Variants in KCNIP4 observed in about 807,000 individuals in gnomAD.
KCNIP4 encodes the protein potassium voltage-gated channel interacting protein 4, also known as Kv channel-interacting protein 4.
In KCNIP4, 12 loss-of-function variants were observed where a neutral mutation model predicts 34.0. That is an observed-to-expected ratio of 0.35 (90% CI 0.23 to 0.57). KCNIP4 has a LOEUF of 0.57. KCNIP4 is among the 20% of genes least tolerant of loss of function. The probability of loss-of-function intolerance (pLI) is 0.83; values close to 1 mark genes in which losing one functional copy is unlikely to be tolerated. For synonymous variants in KCNIP4, 124 were observed against 102.2 expected (o/e 1.21, Z -1.29); for missense variants, 238 against 311.7 (o/e 0.76, Z 1.78).
chr4:21,762,260 A>C (rs1182681948), intron 1 of KCNIP4, among the ~76,000 whole-genome samples: 1 of 152,100 alleles, frequency 6.6e-6, no homozygotes, highest in Non-Finnish European at 1.5e-5. Flanking sequence ...AATCAACATA[A>C]AAAATTATTC....
chr4:21,523,029 C>T (rs1040721486), intron 1 of KCNIP4, among the ~76,000 whole-genome samples: 14 of 151,198 alleles, frequency 9.3e-5, no homozygotes, highest in African/African-American at 3.4e-4. Flanking sequence ...GATAAGTGCC[C>T]TTATTAAAAA....
chr4:21,617,759 A>T (rs180676666), intron 1 of KCNIP4, among the ~76,000 whole-genome samples: 1 of 152,234 alleles, frequency 6.6e-6, no homozygotes, highest in East Asian at 1.9e-4. Context: ...TCAGAAATTA[A>T]TCTCCTCCTT....
At chr4:20,877,597 T>C (rs1362774833) in intron 2 of KCNIP4, among the ~76,000 whole-genome samples, 3 of 152,200 alleles carry the variant, frequency 2.0e-5, no homozygotes, top group Non-Finnish European at 4.4e-5. Flanking sequence ...AGTAGGCTAT[T>C]ATTATTACTA....
chr4:20,731,347 T>A, intron 8 of KCNIP4: 2 of 971,062 alleles, frequency 2.1e-6, no homozygotes, highest in Non-Finnish European at 2.4e-6. Flanking sequence ...GTGCTGGGAT[T>A]ACAGTTGTGA....
chr4:21,114,300 C>T (rs1392235557), intron 1 of KCNIP4, among the ~76,000 whole-genome samples: 1 of 152,032 alleles, frequency 6.6e-6, no homozygotes, highest in Non-Finnish European at 1.5e-5. Context: ...CAAGAAAAAA[C>T]ACAAATTGGA....
chr4:21,521,580 C>T (rs1284629555), intron 1 of KCNIP4, among the ~76,000 whole-genome samples: 1 of 152,108 alleles, frequency 6.6e-6, no homozygotes. Flanking sequence ...ATCATCATAT[C>T]AAAAATCTGG....
chr4:21,666,739 G>C (rs1452351327), intron 1 of KCNIP4, among the ~76,000 whole-genome samples: 1 of 152,116 alleles, frequency 6.6e-6, no homozygotes, highest in Non-Finnish European at 1.5e-5. Flanking sequence ...TGCCAAAGCT[G>C]TCTTTTATAT....
At chr4:20,802,223 TAC>T (rs1714384754) in intron 3 of KCNIP4, among the ~76,000 whole-genome samples, 6 of 83,102 alleles carry the variant, frequency 7.2e-5, no homozygotes, top group Admixed American at 3.2e-4. Flanking sequence ...ATATATGCTA[TAC>T]ATATGCTACA....
chr4:21,108,360 A>G (rs368421002), intron 1 of KCNIP4, among the ~76,000 whole-genome samples: 2 of 150,006 alleles, frequency 1.3e-5, no homozygotes, highest in East Asian at 3.9e-4. Context: ...ATCTTCCATC[A>G]CTGATACCCT....
chr4:21,587,395 C>T lies in KCNIP4; in HGVS notation c.61+361176G>A, dbSNP rs144920197. Among the ~76,000 whole-genome samples the T allele has an allele frequency of 7.3e-4, 111 of 152,042 alleles. No homozygotes were observed. The East Asian group carries it at 0.019, about 26-fold the overall frequency. On this transcript the variant is annotated intron_variant, in intron 1 of 8. Transcript: ENST00000382152. ...AAGTGCACTTTTCATTTTAACATAA[C>T]CCATCACTCTTTCTTTACATCACTC...
At chr4:20,853,856 A>T (rs1350045005) in intron 2 of KCNIP4, among the ~76,000 whole-genome samples, 6 of 152,222 alleles carry the variant, frequency 3.9e-5, no homozygotes, top group Non-Finnish European at 8.8e-5. Context: ...ACAATTCTCA[A>T]AAGAAGATAT....
intron 1 of KCNIP4, among the ~76,000 whole-genome samples, chr4:21,450,362 G>A (rs1577379758): frequency 6.6e-6 from 1 of 152,110 alleles, no homozygotes; most frequent in African/African-American, 2.4e-5. Flanking sequence ...AAAGAGAGAT[G>A]GGTGAATCTA....
intron 1 of KCNIP4, among the ~76,000 whole-genome samples, chr4:20,954,837 A>T (rs1434770840): frequency 6.6e-6 from 1 of 152,136 alleles, no homozygotes; most frequent in Non-Finnish European, 1.5e-5. Context: ...CTCACATGCC[A>T]TGGTTTGGGT....
At chr4:20,889,010 AAATT>A (rs1725619821) in intron 1 of KCNIP4, among the ~76,000 whole-genome samples, 1 of 152,110 alleles carries the variant, frequency 6.6e-6, no homozygotes, top group Non-Finnish European at 1.5e-5. Flanking sequence ...GTAACAGGTA[AAATT>A]AATCTCTATT....
chr4:21,480,402 T>G (rs558158824), intron 1 of KCNIP4, among the ~76,000 whole-genome samples: 1 of 152,168 alleles, frequency 6.6e-6, no homozygotes, highest in African/African-American at 2.4e-5. Context: ...CAGAACAAAT[T>G]ATACTGGGCT....
intron 1 of KCNIP4, among the ~76,000 whole-genome samples, chr4:21,038,961 T>G (rs1741705047): frequency 6.6e-6 from 1 of 152,192 alleles, no homozygotes; most frequent in Non-Finnish European, 1.5e-5. Flanking sequence ...GGCATCCACA[T>G]CATTCTCATG....
intron 1 of KCNIP4, among the ~76,000 whole-genome samples, chr4:20,891,791 A>AT (rs1160197869): frequency 6.6e-6 from 1 of 152,084 alleles, no homozygotes; most frequent in African/African-American, 2.4e-5. Flanking sequence ...AGTAATTGTG[A>AT]TTTTTACCAT....
intron 1 of KCNIP4, among the ~76,000 whole-genome samples, chr4:21,533,773 G>A (rs994963095): frequency 6.6e-6 from 1 of 152,110 alleles, no homozygotes; most frequent in Admixed American, 6.5e-5. Flanking sequence ...CGATGTAAAA[G>A]AAATGAATCT....
intron 1 of KCNIP4, among the ~76,000 whole-genome samples, chr4:21,291,927 G>GAAAGAA (rs1763538267): frequency 1.5e-5 from 1 of 66,666 alleles, no homozygotes. Context: ...AAGAAAGAAA[G>GAAAGAA]AAAGAAAGAA....
Sources: gnomAD v4.1 joint callset for allele counts (sites outside exome capture counted in the v4.1 genomes callset) on GRCh38, gnomAD v4.1.1 for gene constraint, MANE v1.5 for transcripts, NCBI Gene and HGNC (gene_info 2026-07-23, HGNC 2026-07-21) for gene names.